The following ARGLU1 variants were observed in gnomAD, a reference collection of about 807,000 sequenced individuals.
The protein encoded by ARGLU1 is arginine and glutamate-rich protein 1.
In ARGLU1, 9 loss-of-function variants were observed where a neutral mutation model predicts 37.6. The ratio of observed to expected loss-of-function variants is 0.24; its 90% CI spans 0.14 to 0.42. ARGLU1 has a LOEUF of 0.42. Among genes scored for constraint, ARGLU1 ranks in the 10% least tolerant of loss-of-function variants. The pLI, the probability that ARGLU1 is intolerant of heterozygous loss-of-function variation, is 1.00. For missense variants in ARGLU1, 211 were observed against 359.2 expected (o/e 0.59, Z 3.34); for synonymous variants, 166 against 138.5 (o/e 1.20, Z -1.39).
chr13:106,558,840 C>CA lies in ARGLU1; in HGVS notation c.573+591dup. ...TTTTTCCTAAAAAGATTCCTTGAAACACATTAGGAAAATGGAGGGCCTTAT... is the reference window on the plus strand; with the variant it reads ...TTTTTCCTAAAAAGATTCCTTGAAACAACATTAGGAAAATGGAGGGCCTTAT... On this transcript the variant is annotated intron_variant, in intron 2 of 3. Coordinates refer to ENST00000400198, the MANE Select transcript of ARGLU1 (RefSeq NM_018011.4). The CA allele has an allele frequency of 4.1e-6, 4 of 985,274 alleles. No individual in the cohort carries two copies. In the South Asian group the frequency reaches 1.9e-4, roughly 46 times the overall value. 61.0% of individuals were successfully genotyped at this position (985,274 alleles called of 1,614,324 possible).
At chr13:106,562,696 AAAAAC>A (rs1880843249) in intron 1 of ARGLU1, among the ~76,000 whole-genome samples, 1 of 152,122 alleles carries the variant, frequency 6.6e-6, no homozygotes, top group African/African-American at 2.4e-5. Context: ...CAGGTATTTT[AAAAAC>A]ACTAGTCAGG....
chr13:106,559,177 CA>C (rs1348539834), intron 2 of ARGLU1: 1 of 1,433,998 alleles, frequency 7.0e-7, no homozygotes, highest in Non-Finnish European at 9.2e-7. Context: ...AAGTTTCAAA[CA>C]CTTCTCAAAT....
intron 3 of ARGLU1, among the ~76,000 whole-genome samples, chr13:106,544,586 C>A (rs1241143931): frequency 6.6e-6 from 1 of 152,058 alleles, no homozygotes; most frequent in Non-Finnish European, 1.5e-5. Flanking sequence ...CTATTTTTAT[C>A]TCTAACTTCA....
chr13:106,543,247 C>T lies in ARGLU1; in HGVS notation c.*749G>A, dbSNP rs1015762226. ...AACAAGAGGAAATATAGTTCTAAGA[C>T]TTCTAAATGGTTGACCATCAAAAAG... On this transcript the variant is annotated 3_prime_UTR_variant, in exon 4 of 4. Transcript: ENST00000400198. 1.1e-4 allele frequency: 17 copies of T among 152,410 alleles called. No individual in the cohort carries two copies. Among genetic ancestry groups the T allele is most frequent in the African/African-American group, 4.1e-4 (17 of 41,394 alleles). The allele number at this position is 152,410 out of a possible 1,614,324, so 9.4% of individuals were successfully genotyped here.
chr13:106,558,576 T>C (rs1880716889), intron 2 of ARGLU1: 1 of 985,440 alleles, frequency 1.0e-6, no homozygotes, highest in East Asian at 1.1e-4. Flanking sequence ...CTTGAGTGTT[T>C]CAGTGACTTT....
At position 106,567,229 on chromosome 13, in the gene ARGLU1, G is replaced by C. The variant is rs1182039811; in HGVS notation, c.347+344C>G. On this transcript the variant is annotated intron_variant, in intron 1 of 3. Transcript: ENST00000400198. The surrounding 1 kb of genome is among the most constrained non-coding windows in gnomAD (Gnocchi z 4.3). ...CACATCTGCAGGCCGGCTCGCTCCC[G>C]GCCTCACAAGCCAACGCAGCTCTCC... Among the ~76,000 whole-genome samples, 1 of 151,910 alleles carries C rather than the reference G, an allele frequency of 6.6e-6. No homozygotes were observed. The highest frequency in any genetic ancestry group is 1.5e-5 in the Non-Finnish European group (1 of 67,984).
chr13:106,567,893 C>T lies in ARGLU1; in HGVS notation c.27G>A (p.Ser9=). MGRSRSRS[S]SRSKHTKSSK... ...TGCTCTTGGTGTGCTTGGAGCGGGA[C>T]GAGCTCCGGCTCCGAGACCGGCCCA... is the stretch of plus-strand genomic sequence containing the variant. Residue 9 remains serine (S), a synonymous_variant, in exon 1 of 4, where the codon TCG becomes TCA. Coordinates refer to ENST00000400198, the MANE Select transcript of ARGLU1 (RefSeq NM_018011.4). The surrounding 1 kb of genome is among the most constrained non-coding windows in gnomAD (Gnocchi z 4.3). 1 of 1,610,150 alleles carries T rather than the reference C, an allele frequency of 6.2e-7. No homozygotes were observed. Among genetic ancestry groups the T allele is most frequent in the Non-Finnish European group, 8.5e-7 (1 of 1,179,498 alleles).
At chr13:106,544,382 A>C (rs1377117143) in intron 3 of ARGLU1, among the ~76,000 whole-genome samples, 2 of 152,074 alleles carry the variant, frequency 1.3e-5, no homozygotes, top group Non-Finnish European at 2.9e-5. Context: ...AATCTGACGA[A>C]GGTCACATAG....
chr13:106,555,871 T>C lies in ARGLU1; in HGVS notation c.657+1177A>G, dbSNP rs111260933. Among the ~76,000 whole-genome samples the C allele has an allele frequency of 9.5e-3, 1,444 of 152,256 alleles. 9 individuals are homozygous for C. The highest frequency in any genetic ancestry group is 0.021 in the African/African-American group (889 of 41,560). On this transcript the variant is annotated intron_variant, in intron 3 of 3. Coordinates refer to ENST00000400198, the MANE Select transcript of ARGLU1 (RefSeq NM_018011.4). Reference sequence around the variant, plus strand: ...ATCCAATCTCTTTAACATGTCCTAATGGGAGGTCCAGTTCCACCTGCTCAG... The same window carrying C: ...ATCCAATCTCTTTAACATGTCCTAACGGGAGGTCCAGTTCCACCTGCTCAG...
chr13:106,545,522 C>G (rs1472484490), intron 3 of ARGLU1, among the ~76,000 whole-genome samples: 1 of 152,154 alleles, frequency 6.6e-6, no homozygotes, highest in Non-Finnish European at 1.5e-5. Flanking sequence ...GATACATTCT[C>G]TAATGCCACA....
At chr13:106,554,433 A>G (rs1182745476) in intron 3 of ARGLU1, among the ~76,000 whole-genome samples, 1 of 152,196 alleles carries the variant, frequency 6.6e-6, no homozygotes, top group Admixed American at 6.5e-5. Flanking sequence ...AGATTAAAGA[A>G]TAGTGCTCAA....
At chr13:106,561,459 ACAC>A (rs1880799951) in intron 1 of ARGLU1, among the ~76,000 whole-genome samples, 2 of 140,378 alleles carry the variant, frequency 1.4e-5, no homozygotes, top group South Asian at 4.7e-4. Flanking sequence ...ACACACACAC[ACAC>A]TTTTGCTAGT....
At chr13:106,559,220 G>A (rs1880732807) in intron 2 of ARGLU1, 2 of 1,514,966 alleles carry the variant, frequency 1.3e-6, no homozygotes, top group Non-Finnish European at 8.8e-7. Flanking sequence ...AAGTATCCTT[G>A]AATATGTTTT....
chr13:106,561,979 T>C (rs897729961), intron 1 of ARGLU1: 4 of 152,194 alleles, frequency 2.6e-5, no homozygotes, highest in African/African-American at 4.8e-5. Context: ...AGCGACTTTA[T>C]AGCCCAAAGG....
chr13:106,558,547 G>C (rs959924881), intron 2 of ARGLU1: 3 of 985,318 alleles, frequency 3.0e-6, no homozygotes, highest in South Asian at 9.4e-5. Context: ...CAGACACTCA[G>C]GGCTGTAAAG....
intron 1 of ARGLU1, among the ~76,000 whole-genome samples, chr13:106,561,296 T>C (rs1018242411): frequency 1.3e-5 from 2 of 152,126 alleles, no homozygotes; most frequent in African/African-American, 4.8e-5. Context: ...GTTTCTCTAC[T>C]TCACCCAAAA....
chr13:106,565,764 A>G (rs1880945700), intron 1 of ARGLU1, among the ~76,000 whole-genome samples: 1 of 152,180 alleles, frequency 6.6e-6, no homozygotes, highest in Admixed American at 6.5e-5. Flanking sequence ...GGTGGCTGCT[A>G]GTCCTGGTCC....
intron 2 of ARGLU1, chr13:106,559,177 C>T: frequency 4.9e-6 from 7 of 1,434,116 alleles, no homozygotes; most frequent in Non-Finnish European, 6.4e-6. Flanking sequence ...AAGTTTCAAA[C>T]ACTTCTCAAA....
chr13:106,541,759 T>C lies in ARGLU1; in HGVS notation c.*2237A>G, dbSNP rs1193169614. 2.0e-5 allele frequency: 3 copies of C among 152,068 alleles called. No homozygotes were observed. The allele number at this position is 152,068 out of a possible 1,614,324, so 9.4% of individuals were successfully genotyped here. On this transcript the variant is annotated 3_prime_UTR_variant, in exon 4 of 4. Coordinates refer to ENST00000400198, the MANE Select transcript of ARGLU1 (RefSeq NM_018011.4). ...CATACTGTAATAAAAATAAACAAAG[T>C]CATACTTAATTCTATAATGCATTAA...
Sources: allele counts gnomAD v4.1 joint callset (sites outside exome capture counted in the v4.1 genomes callset), GRCh38; gene constraint gnomAD v4.1.1; non-coding constraint Gnocchi (gnomAD v3.1); transcripts MANE v1.5; gene names NCBI Gene and HGNC (gene_info 2026-07-23, HGNC 2026-07-21).